MACROD2: variants seen among roughly 807,000 people sequenced by gnomAD.
MACROD2 encodes mono-ADP ribosylhydrolase 2.
A neutral mutation model predicts 70.4 loss-of-function variants in MACROD2; 36 were observed. The ratio of observed to expected loss-of-function variants is 0.51; its 90% CI spans 0.39 to 0.68. MACROD2 has a LOEUF of 0.68. Among genes scored for constraint, MACROD2 ranks in the 30% least tolerant of loss-of-function variants. The pLI, the probability that MACROD2 is intolerant of heterozygous loss-of-function variation, is 0.00. For synonymous variants in MACROD2, 172 were observed against 178.8 expected, an observed-to-expected ratio of 0.96 and a Z score of 0.30; for missense variants, 496 against 538.4, an observed-to-expected ratio of 0.92 and a Z score of 0.78.
At chr20:14,508,445 C>T (rs1456324921) in intron 4 of MACROD2, among the ~76,000 whole-genome samples, 1 of 152,168 alleles carries the variant, frequency 6.6e-6, no homozygotes, top group Non-Finnish European at 1.5e-5. Context: ...AGAACACAGT[C>T]TTCATGCAAA....
chr20:15,364,671 C>T (rs1170671577), intron 6 of MACROD2, among the ~76,000 whole-genome samples: 1 of 152,156 alleles, frequency 6.6e-6, no homozygotes, highest in Non-Finnish European at 1.5e-5. Flanking sequence ...TTGATCAGAG[C>T]TTTACAAGCC....
intron 10 of MACROD2, among the ~76,000 whole-genome samples, chr20:15,904,421 C>T (rs918489207): frequency 6.6e-6 from 1 of 152,056 alleles, no homozygotes; most frequent in Admixed American, 6.6e-5. Flanking sequence ...ACAAGATAAA[C>T]TGAGTAAAAA....
intron 17 of MACROD2, 21 bp from the exon 18 acceptor site, chr20:16,049,809 A>T (rs753645698): frequency 1.2e-6 from 2 of 1,613,028 alleles, no homozygotes; most frequent in Admixed American, 3.3e-5. Flanking sequence ...AATCTAACAA[A>T]TGGCTTCTCT....
rs959194849 is a variant in MACROD2 at position 15,675,443 on chromosome 20, A to G, written c.645+175596A>G. Reference sequence around the variant, plus strand: ...ACATGTTTAATTAAACTATTAATCTACTTTTATCTGTGACACTAGAAAGCC... The same window carrying G: ...ACATGTTTAATTAAACTATTAATCTGCTTTTATCTGTGACACTAGAAAGCC... On this transcript the variant is annotated intron_variant, in intron 8 of 17. Coordinates refer to ENST00000684519, the MANE Select transcript of MACROD2 (RefSeq NM_001351661.2). Among the ~76,000 whole-genome samples the G allele has an allele frequency of 3.9e-5, 6 of 152,096 alleles. No individual in the cohort carries two copies. In the East Asian group the frequency reaches 9.6e-4, roughly 24 times the overall value.
intron 5 of MACROD2, among the ~76,000 whole-genome samples, chr20:14,900,624 CT>C (rs540300842): frequency 6.6e-6 from 1 of 151,728 alleles, no homozygotes; most frequent in East Asian, 1.9e-4. Flanking sequence ...CTTGTAAAAT[CT>C]TTTTTGTTTC....
At chr20:14,507,434 G>GGAA (rs546001736) in intron 4 of MACROD2, among the ~76,000 whole-genome samples, 1 of 152,110 alleles carries the variant, frequency 6.6e-6, no homozygotes, top group East Asian at 1.9e-4. Flanking sequence ...TTTCTGTTTG[G>GGAA]GAAGAAGAAG....
intron 5 of MACROD2, among the ~76,000 whole-genome samples, chr20:14,947,336 C>A (rs771360511): frequency 6.6e-5 from 10 of 152,208 alleles, no homozygotes; most frequent in Non-Finnish European, 7.3e-5. Flanking sequence ...AGCATGATTC[C>A]ATTTCTGACT....
intron 6 of MACROD2, among the ~76,000 whole-genome samples, chr20:15,354,902 G>A (rs2078269326): frequency 6.6e-6 from 1 of 152,136 alleles, no homozygotes; most frequent in Non-Finnish European, 1.5e-5. Context: ...ATATGTACTA[G>A]TACTAATTTA....
intron 8 of MACROD2, among the ~76,000 whole-genome samples, chr20:15,533,341 C>G (rs753509750): frequency 1.3e-5 from 2 of 152,090 alleles, no homozygotes; most frequent in African/African-American, 2.4e-5. Flanking sequence ...GTACATAGAT[C>G]GTGATAATTT....
chr20:14,064,610 A>G (rs2148657557), intron 2 of MACROD2, among the ~76,000 whole-genome samples: 1 of 151,890 alleles, frequency 6.6e-6, no homozygotes, highest in South Asian at 2.1e-4. Flanking sequence ...TGACATTTTC[A>G]TTTTTCTATC....
rs148924094 is a variant in MACROD2, at chr20:14,349,623, A to G, written c.272-143856A>G. On this transcript the variant is annotated intron_variant, in intron 3 of 17. Coordinates refer to ENST00000684519, the MANE Select transcript of MACROD2 (RefSeq NM_001351661.2). Reference sequence around the variant, plus strand: ...CCCACCTCCCCACTGCCTCCTGAGTACTTTTCCCAGACCCTGGTAACCATT... The same window carrying G: ...CCCACCTCCCCACTGCCTCCTGAGTGCTTTTCCCAGACCCTGGTAACCATT... 9.8e-5 allele frequency among the ~76,000 whole-genome samples: 12 copies of G among 122,098 alleles called. No homozygotes were observed. The East Asian group carries it at 3.1e-3, about 32-fold the overall frequency. The allele number at this position is 122,098 out of a possible 152,430, so 80.1% of individuals were successfully genotyped here.
intron 3 of MACROD2, among the ~76,000 whole-genome samples, chr20:14,303,708 CCAAATATGTCTCT>C (rs1223382112): frequency 1.3e-5 from 2 of 152,122 alleles, no homozygotes; most frequent in African/African-American, 4.8e-5. Flanking sequence ...CTGCATAGTT[CCAAATATGTCTCT>C]TTAGTGAATC....
chr20:15,822,653 A>T (rs931766654), intron 8 of MACROD2, among the ~76,000 whole-genome samples: 2 of 152,194 alleles, frequency 1.3e-5, no homozygotes, highest in Admixed American at 1.3e-4. Context: ...AATTTCACTA[A>T]ATTGATCCAC....
chr20:14,901,029 A>G (rs2073889038), intron 5 of MACROD2, among the ~76,000 whole-genome samples: 1 of 152,092 alleles, frequency 6.6e-6, no homozygotes, highest in African/African-American at 2.4e-5. Flanking sequence ...CTGCAAGAAA[A>G]CATTTTACTG....
intron 3 of MACROD2, among the ~76,000 whole-genome samples, chr20:14,436,740 C>G (rs538308602): frequency 1.3e-5 from 2 of 152,216 alleles, no homozygotes; most frequent in African/African-American, 4.8e-5. Flanking sequence ...TATCAACCAA[C>G]TGTCTAGTAT....
At chr20:14,242,030 G>T (rs559511594) in intron 3 of MACROD2, among the ~76,000 whole-genome samples, 1 of 152,146 alleles carries the variant, frequency 6.6e-6, no homozygotes, top group African/African-American at 2.4e-5. Context: ...ATGAGAAAAT[G>T]CACAGTGATA....
intron 5 of MACROD2, among the ~76,000 whole-genome samples, chr20:15,211,624 C>G (rs2076764563): frequency 6.6e-6 from 1 of 152,128 alleles, no homozygotes; most frequent in Non-Finnish European, 1.5e-5. Flanking sequence ...TCTCTCGTCT[C>G]TTACCATGTG....
In MACROD2 at chr20:15,919,001, C is replaced by G. The variant is rs186800461; in HGVS notation, c.776-14275C>G. Among the ~76,000 whole-genome samples, 19 of 152,226 alleles carry G rather than the reference C, an allele frequency of 1.2e-4. No homozygotes were observed. The East Asian group carries it at 3.7e-3, about 29-fold the overall frequency. ...GAGAGGGATGAGGCATTAGACAGAC[C>G]GATTCTCATTTTCAATGAGTGCAGT... On this transcript the variant is annotated intron_variant, in intron 10 of 17. Coordinates refer to ENST00000684519, the MANE Select transcript of MACROD2 (RefSeq NM_001351661.2).
intron 4 of MACROD2, among the ~76,000 whole-genome samples, chr20:14,545,047 T>C (rs900578116): frequency 6.6e-6 from 1 of 152,140 alleles, no homozygotes. Flanking sequence ...ATGATGATGA[T>C]GACGATGAGA....
Sources: allele counts gnomAD v4.1 joint callset (sites outside exome capture counted in the v4.1 genomes callset), GRCh38; gene constraint gnomAD v4.1.1; transcripts MANE v1.5; gene names NCBI Gene and HGNC (gene_info 2026-07-23, HGNC 2026-07-21).